Variants in GSAP observed in about 807,000 individuals in gnomAD.
The protein encoded by GSAP is gamma-secretase activating protein.
A neutral mutation model predicts 131.7 loss-of-function variants in GSAP; 118 were observed. That is an observed-to-expected ratio of 0.90 (90% CI 0.77 to 1.04). The LOEUF is 1.04. GSAP is among the 50% of genes least tolerant of loss of function. GSAP has a pLI of 0.00. For synonymous variants in GSAP, 381 were observed against 363.4 expected (o/e 1.05, Z -0.55); for missense variants, 1,019 against 1,013.2 (o/e 1.01, Z -0.08).
intron 19 of GSAP, among the ~76,000 whole-genome samples, chr7:77,348,665 A>T (rs1792269577): frequency 6.6e-6 from 1 of 152,228 alleles, no homozygotes; most frequent in African/African-American, 2.4e-5. Flanking sequence ...CTTCAAGGAA[A>T]CTGTGCTAAA....
intron 5 of GSAP, among the ~76,000 whole-genome samples, chr7:77,390,724 G>C (rs1799331841): frequency 6.6e-6 from 1 of 151,328 alleles, no homozygotes; most frequent in Non-Finnish European, 1.5e-5. Context: ...TGCACGTTGT[G>C]CACATGTACC....
chr7:77,357,871 GTGTT>G (rs1793986303), intron 14 of GSAP, among the ~76,000 whole-genome samples: 1 of 152,142 alleles, frequency 6.6e-6, no homozygotes, highest in East Asian at 1.9e-4. Flanking sequence ...AATATTTGTG[GTGTT>G]TGAAGTTCTA....
chr7:77,353,569 T>C lies in GSAP; in HGVS notation c.1408+3A>G. On this transcript the variant is annotated splice_donor_region_variant and intron_variant, in intron 17 of 30. Transcript: ENST00000257626. ...CTTAAGCTGCAACATCAGCAACACT[T>C]ACCAATTATAAATTCCTGAATGAGG... 2 of 1,598,458 alleles carry C rather than the reference T, an allele frequency of 1.3e-6. No homozygotes were observed. Among genetic ancestry groups the C allele is most frequent in the South Asian group, 1.1e-5 (1 of 90,628 alleles).
At chr7:77,323,037 C>G (rs943897834) in intron 24 of GSAP, among the ~76,000 whole-genome samples, 1 of 152,108 alleles carries the variant, frequency 6.6e-6, no homozygotes, top group African/African-American at 2.4e-5. Context: ...AACATTATTT[C>G]TAGACTCTAA....
chr7:77,385,432 T>C lies in GSAP; in HGVS notation c.456+1928A>G, dbSNP rs554596150. Reference sequence around the variant, plus strand: ...TTGGTAGATTTTAATATATTCGCAATGTATACAACCACTTGCTTTTAAAAA... The same window carrying C: ...TTGGTAGATTTTAATATATTCGCAACGTATACAACCACTTGCTTTTAAAAA... On this transcript the variant is annotated intron_variant, in intron 6 of 30. Coordinates refer to ENST00000257626, the MANE Select transcript of GSAP (RefSeq NM_017439.4). Among the ~76,000 whole-genome samples the C allele has an allele frequency of 9.8e-5, 15 of 152,338 alleles. No homozygotes were observed. In the South Asian group the frequency reaches 3.1e-3, roughly 32 times the overall value.
At chr7:77,312,715 T>G (rs1171048138) in intron 28 of GSAP, among the ~76,000 whole-genome samples, 1 of 152,104 alleles carries the variant, frequency 6.6e-6, no homozygotes, top group Non-Finnish European at 1.5e-5. Context: ...AGCCTGTGAG[T>G]GAGGGGCAAG....
intron 12 of GSAP, among the ~76,000 whole-genome samples, chr7:77,371,498 G>T (rs1292404288): frequency 6.8e-6 from 1 of 147,814 alleles, no homozygotes; most frequent in Admixed American, 6.8e-5. Flanking sequence ...GCAGTGGTGT[G>T]ACCTCAGCTC....
At chr7:77,384,174 T>TG (rs1170275689) in intron 6 of GSAP, among the ~76,000 whole-genome samples, 10 of 152,132 alleles carry the variant, frequency 6.6e-5, no homozygotes, top group African/African-American at 2.4e-4. Flanking sequence ...CCTCAAAATA[T>TG]GGAGATATCT....
intron 6 of GSAP, among the ~76,000 whole-genome samples, chr7:77,384,682 T>G (rs1798290191): frequency 6.6e-6 from 1 of 152,090 alleles, no homozygotes; most frequent in Admixed American, 6.5e-5. Context: ...AAGCCCCACC[T>G]GCCACTCCTG....
At chr7:77,368,792 T>G (rs1043010663) in intron 12 of GSAP, among the ~76,000 whole-genome samples, 3 of 152,204 alleles carry the variant, frequency 2.0e-5, no homozygotes, top group Non-Finnish European at 2.9e-5. Flanking sequence ...ATACTGTGTA[T>G]AAAGAGATTA....
At chr7:77,324,185 G>C (rs1009058084) in intron 23 of GSAP, among the ~76,000 whole-genome samples, 3 of 152,186 alleles carry the variant, frequency 2.0e-5, no homozygotes, top group African/African-American at 4.8e-5. Context: ...AGAAGCAGGA[G>C]TAAATGGGAA....
chr7:77,390,660 G>C (rs982464406), intron 5 of GSAP, among the ~76,000 whole-genome samples: 1 of 151,964 alleles, frequency 6.6e-6, no homozygotes, highest in African/African-American at 2.4e-5. Flanking sequence ...GCTAAATGAC[G>C]AGTTAATGGG....
intron 1 of GSAP, among the ~76,000 whole-genome samples, chr7:77,409,610 GT>G: frequency 6.6e-6 from 1 of 152,300 alleles, no homozygotes; most frequent in East Asian, 1.9e-4. Flanking sequence ...ATTTCAGTGA[GT>G]TTGTTCATCC....
In GSAP at chr7:77,311,862, C is replaced by T; in HGVS notation, c.2452G>A (p.Asp818Asn). 6.4e-7 allele frequency: 1 copy of T among 1,554,670 alleles called. No individual in the cohort carries two copies. ...TTACCTTGATTGGAGGACTCTATATCTGTCAGAATTTCAATGAAGTAGTTC... is the reference window on the plus strand; with the variant it reads ...TTACCTTGATTGGAGGACTCTATATTTGTCAGAATTTCAATGAAGTAGTTC... ...PLNYFIEILTDIESSNQALYP... is the reference protein window; with the variant it reads ...PLNYFIEILTNIESSNQALYP... Residue 818 changes from aspartate (D) to asparagine (N), a missense_variant, in exon 30 of 31, where the codon GAT becomes AAT. By Grantham distance (23) the Asp-to-Asn change is conservative. Transcript: ENST00000257626.
rs193208410 is a variant in GSAP at position 77,412,403 on chromosome 7, A to G, written c.109+3810T>C. 3.3e-5 allele frequency among the ~76,000 whole-genome samples: 5 copies of G among 152,322 alleles called. No individual in the cohort carries two copies. The East Asian group carries it at 9.6e-4, about 29-fold the overall frequency. On this transcript the variant is annotated intron_variant, in intron 1 of 30. Coordinates refer to ENST00000257626, the MANE Select transcript of GSAP (RefSeq NM_017439.4). Reference sequence around the variant, plus strand: ...TAAAATCAAAAGGTGAAAAAGTCATAAAGCTTCCAAAAGTTAATACTAAAA... The same window carrying G: ...TAAAATCAAAAGGTGAAAAAGTCATGAAGCTTCCAAAAGTTAATACTAAAA...
rs774970619 is a variant in GSAP, at chr7:77,320,762, C to T, written c.2052G>A (p.Leu684=). ...FAVFHIMTRI[L]EATNSLFLPL... is the part of the protein sequence containing the mutation. The stretch of plus-strand genomic sequence containing the variant: ...GTAAAAACAAACTGTTTGTAGCTTC[C>T]AGAATCCTGGTCATGATGTGAAAAA... The change falls in exon 26 of 31, where the codon CTG becomes CTA. Residue 684 remains leucine, a synonymous_variant. Coordinates refer to ENST00000257626, the MANE Select transcript of GSAP (RefSeq NM_017439.4). 9.3e-6 allele frequency: 15 copies of T among 1,611,750 alleles called. No individual in the cohort carries two copies. The highest frequency in any genetic ancestry group is 1.2e-5 in the Non-Finnish European group (14 of 1,178,130).
chr7:77,358,361 T>G (rs1423377634), intron 14 of GSAP, among the ~76,000 whole-genome samples: 1 of 152,124 alleles, frequency 6.6e-6, no homozygotes, highest in Non-Finnish European at 1.5e-5. Flanking sequence ...ACAAAAAAGT[T>G]TGCTGGGAAG....
At chr7:77,383,305 A>C (rs1444698034) in intron 6 of GSAP, among the ~76,000 whole-genome samples, 3 of 142,576 alleles carry the variant, frequency 2.1e-5, no homozygotes, top group African/African-American at 8.0e-5. Context: ...ACATTTATAC[A>C]AAATGTTCTA....
At chr7:77,338,096 T>C in intron 19 of GSAP, among the ~76,000 whole-genome samples, 1 of 152,024 alleles carries the variant, frequency 6.6e-6, no homozygotes, top group Non-Finnish European at 1.5e-5. Context: ...GCCCAGGAGG[T>C]CGAGGCTGCA....
Sources: allele counts gnomAD v4.1 joint callset (sites outside exome capture counted in the v4.1 genomes callset), GRCh38; gene constraint gnomAD v4.1.1; transcripts MANE v1.5; gene names NCBI Gene and HGNC (gene_info 2026-07-23, HGNC 2026-07-21).